Variants in KDM4C observed in about 807,000 individuals in gnomAD.
KDM4C encodes lysine demethylase 4C, also known as lysine-specific demethylase 4C.
In KDM4C, 81 loss-of-function variants were observed where a neutral mutation model predicts 129.3. The observed-to-expected ratio is 0.63, with a 90% CI of 0.52 to 0.75. The LOEUF is 0.75. Among genes scored for constraint, KDM4C ranks in the 30% least tolerant of loss-of-function variants. KDM4C has a pLI of 0.00. For synonymous variants in KDM4C, 573 were observed against 456.1 expected, an observed-to-expected ratio of 1.26 and a Z score of -3.26; for missense variants, 1,457 against 1,304.0, an observed-to-expected ratio of 1.12 and a Z score of -1.81.
At chr9:6,921,794 C>A (rs1007561992) in intron 8 of KDM4C, among the ~76,000 whole-genome samples, 1 of 152,090 alleles carries the variant, frequency 6.6e-6, no homozygotes, top group African/African-American at 2.4e-5. Flanking sequence ...AACCCCTACC[C>A]CCCATCTTTG....
At chr9:7,038,519 A>G (rs576427911) in intron 15 of KDM4C, among the ~76,000 whole-genome samples, 5 of 152,158 alleles carry the variant, frequency 3.3e-5, no homozygotes, top group African/African-American at 1.2e-4. Context: ...TTACTGTTTG[A>G]AATTTTAAGC....
chr9:6,924,906 G>A, intron 8 of KDM4C: 1 of 984,886 alleles, frequency 1.0e-6, no homozygotes, highest in Non-Finnish European at 1.2e-6. Context: ...TTGTTGGTCA[G>A]AGTACAGCCT....
chr9:6,977,706 A>C (rs1833167716), intron 8 of KDM4C, among the ~76,000 whole-genome samples: 1 of 152,058 alleles, frequency 6.6e-6, no homozygotes, highest in Non-Finnish European at 1.5e-5. Flanking sequence ...TCTAGATGTG[A>C]AGCCATGGAG....
intron 1 of KDM4C, among the ~76,000 whole-genome samples, chr9:6,734,010 G>A (rs868258359): frequency 2.0e-5 from 3 of 152,132 alleles, no homozygotes; most frequent in Non-Finnish European, 4.4e-5. Flanking sequence ...GTCTTTATGA[G>A]CTATATCTTG....
chr9:7,021,332 A>T (rs1025039229), intron 15 of KDM4C, among the ~76,000 whole-genome samples: 4 of 151,692 alleles, frequency 2.6e-5, no homozygotes, highest in African/African-American at 4.8e-5. Flanking sequence ...TTTAGTAGAG[A>T]TGGGGTTTCA....
intron 4 of KDM4C, among the ~76,000 whole-genome samples, chr9:6,840,882 C>T (rs958685348): frequency 4.6e-5 from 7 of 152,162 alleles, no homozygotes; most frequent in African/African-American, 1.7e-4. Context: ...GACATGTCCC[C>T]AGCTCTACAG....
intron 3 of KDM4C, among the ~76,000 whole-genome samples, chr9:6,807,275 C>A (rs547126750): frequency 6.6e-6 from 1 of 151,972 alleles, no homozygotes; most frequent in South Asian, 2.1e-4. Flanking sequence ...CCCAAAGTGC[C>A]GAGATTGCAG....
chr9:6,730,879 A>T (rs1463592738), intron 1 of KDM4C, among the ~76,000 whole-genome samples: 1 of 152,170 alleles, frequency 6.6e-6, no homozygotes, highest in Admixed American at 6.6e-5. Flanking sequence ...GGCTGCTGGG[A>T]TGGGCCAAGA....
At position 6,785,629 on chromosome 9, in the gene KDM4C, G is replaced by A. The variant is rs902680338; in HGVS notation, c.-17-7343G>A. Among the ~76,000 whole-genome samples the A allele has an allele frequency of 2.4e-4, 37 of 152,200 alleles. 1 individual carries two copies. The East Asian group carries it at 5.4e-3, about 22-fold the overall frequency. ...TGGGATTACAGGCATGAGCCACTGC[G>A]CCTGGCTTCTTCTCTTCCTAAAAGG... On this transcript the variant is annotated intron_variant, in intron 1 of 21. Transcript: ENST00000381309.
At chr9:6,929,080 T>C (rs1029535166) in intron 8 of KDM4C, among the ~76,000 whole-genome samples, 3 of 152,214 alleles carry the variant, frequency 2.0e-5, no homozygotes, top group Admixed American at 6.5e-5. Context: ...TTCAAGGCTA[T>C]CCCAACTGCT....
At chr9:7,026,734 T>C (rs188434128) in intron 15 of KDM4C, among the ~76,000 whole-genome samples, 2 of 152,212 alleles carry the variant, frequency 1.3e-5, no homozygotes, top group African/African-American at 4.8e-5. Flanking sequence ...GATTTGCCCT[T>C]TTGAGGCTTT....
chr9:6,870,017 G>A (rs1842622265), intron 5 of KDM4C, among the ~76,000 whole-genome samples: 1 of 152,198 alleles, frequency 6.6e-6, no homozygotes, highest in Non-Finnish European at 1.5e-5. Context: ...AAAATCCATA[G>A]TGGTTCAATC....
intron 12 of KDM4C, among the ~76,000 whole-genome samples, chr9:7,002,748 A>G (rs1820957037): frequency 6.6e-6 from 1 of 152,196 alleles, no homozygotes; most frequent in African/African-American, 2.4e-5. Flanking sequence ...CATCATTTTT[A>G]CTGGTAAGGC....
At chr9:7,064,257 T>G (rs144535271) in intron 17 of KDM4C, among the ~76,000 whole-genome samples, 4 of 152,174 alleles carry the variant, frequency 2.6e-5, no homozygotes, top group Admixed American at 6.5e-5. Context: ...ATGTAAAATA[T>G]CTCACTGATT....
intron 17 of KDM4C, among the ~76,000 whole-genome samples, chr9:7,100,257 C>G (rs188468825): frequency 2.0e-5 from 3 of 152,194 alleles, no homozygotes; most frequent in Non-Finnish European, 4.4e-5. Flanking sequence ...TTGTCAGTGT[C>G]TCAGTAGGTT....
intron 8 of KDM4C, among the ~76,000 whole-genome samples, chr9:6,963,934 T>G (rs1206738902): frequency 1.3e-5 from 2 of 152,202 alleles, no homozygotes; most frequent in Non-Finnish European, 1.5e-5. Context: ...GAGGAGTATT[T>G]GAATGTTTGA....
chr9:7,165,913 C>A (rs1029038969), intron 20 of KDM4C, among the ~76,000 whole-genome samples: 4 of 152,262 alleles, frequency 2.6e-5, no homozygotes, highest in Non-Finnish European at 4.4e-5. Flanking sequence ...GTTGGACGTT[C>A]TGTTCACCAG....
At position 7,032,382 on chromosome 9, in the gene KDM4C, C is replaced by T. The variant is rs192309318; in HGVS notation, c.2260-14480C>T. Among the ~76,000 whole-genome samples, 15 of 152,260 alleles carry T rather than the reference C, an allele frequency of 9.9e-5. No individual in the cohort carries two copies. The East Asian group carries it at 2.3e-3, about 23-fold the overall frequency. ...ACAACCTTTATTACCCCTGTCCAAC[C>T]TCCCAAATAAAAATAATGATGCTGA... On this transcript the variant is annotated intron_variant, in intron 15 of 21. Coordinates refer to ENST00000381309, the MANE Select transcript of KDM4C (RefSeq NM_015061.6).
At chr9:7,065,240 T>G (rs1832261755) in intron 17 of KDM4C, among the ~76,000 whole-genome samples, 1 of 152,166 alleles carries the variant, frequency 6.6e-6, no homozygotes, top group Admixed American at 6.5e-5. Context: ...GAAACTTCCT[T>G]AAAACAAAAT....
Sources: allele counts gnomAD v4.1 joint callset (sites outside exome capture counted in the v4.1 genomes callset), GRCh38; gene constraint gnomAD v4.1.1; transcripts MANE v1.5; gene names NCBI Gene and HGNC (gene_info 2026-07-23, HGNC 2026-07-21).